Variants in KIFC2 observed in about 807,000 individuals in gnomAD.
KIFC2 encodes the protein kinesin family member C2.
Under a neutral mutation model 91.5 loss-of-function variants are expected in KIFC2, and 94 were observed. The ratio of observed to expected loss-of-function variants is 1.03; its 90% CI spans 0.87 to 1.22. The LOEUF (loss-of-function observed/expected upper bound fraction) is 1.22, where lower values mean the gene tolerates loss of function less well. KIFC2 is among the 50% of genes most tolerant of loss of function. The pLI, the probability that KIFC2 is intolerant of heterozygous loss-of-function variation, is 0.00. For synonymous variants in KIFC2, 729 were observed against 503.9 expected (o/e 1.45, Z -5.98); for missense variants, 1,357 against 1,103.3 (o/e 1.23, Z -3.26).
Position 144,467,702 on chromosome 8 carries a change from A to T in KIFC2, c.616-12A>T. On this transcript the variant is annotated splice_polypyrimidine_tract_variant and intron_variant, in intron 5 of 17. Coordinates refer to ENST00000645548, the MANE Select transcript of KIFC2 (RefSeq NM_001369769.2). ...AAAGGAGGTCCACCCTGTCTCTCTT[A>T]CTTCTCCCCAGCTGGAGGAGCTGAA... is the stretch of plus-strand genomic sequence containing the variant. 1.9e-6 allele frequency: 3 copies of T among 1,613,528 alleles called. No homozygotes were observed. Among genetic ancestry groups the T allele is most frequent in the Non-Finnish European group, 2.5e-6 (3 of 1,179,826 alleles).
chr8:144,470,594 C>A (rs1053229249), intron 12 of KIFC2: 1 of 152,286 alleles, frequency 6.6e-6, no homozygotes, highest in Non-Finnish European at 1.5e-5. Context: ...GAGCTGACAG[C>A]CCACCCTGTT....
At chr8:144,468,933 G>A (rs1042981123) in intron 10 of KIFC2, 99 bp downstream of exon 10, 85 of 982,180 alleles carry the variant, frequency 8.7e-5, no homozygotes, top group Non-Finnish European at 1.3e-4. Flanking sequence ...CTAATAAGTG[G>A]GGCTCTGGAA....
In KIFC2 at chr8:144,469,604, T is replaced by C; in HGVS notation, c.1337T>C (p.Phe446Ser). ...TGCTACCGGGGGCGCCATCGTCGAT[T>C]CCGCCTAGACTGGGTCTTCCCTCCA... The part of the protein sequence containing the change: ...TTCYRGRHRR[F>S]RLDWVFPPDA... Residue 446 changes from phenylalanine to serine, a missense_variant, in exon 12 of 18, where the codon TTC (phenylalanine) becomes TCC (serine). Phe to Ser is a radical substitution (Grantham distance 155). Coordinates refer to ENST00000645548, the MANE Select transcript of KIFC2 (RefSeq NM_001369769.2). 1 of 1,611,624 alleles carries C rather than the reference T, an allele frequency of 6.2e-7. No individual in the cohort carries two copies. The highest frequency in any genetic ancestry group is 8.5e-7 in the Non-Finnish European group (1 of 1,179,108).
At chr8:144,467,175 C>G in intron 3 of KIFC2, 28 bp from the exon 4 acceptor site, 1 of 1,613,274 alleles carries the variant, frequency 6.2e-7, no homozygotes, top group Non-Finnish European at 8.5e-7. Context: ...CTTTCACAGC[C>G]CTGCTCGGAT....
At position 144,473,234 on chromosome 8, in the gene KIFC2, C is replaced by A; in HGVS notation, c.2221C>A (p.Pro741Thr). 6.3e-7 allele frequency: 1 copy of A among 1,599,900 alleles called. No homozygotes were observed. ...GGGGCCAGCCCGGCGCCGCAGGGTCCCGCGCTCCTCCGGGACGCCTTCTTC... is the reference window on the plus strand; with the variant it reads ...GGGGCCAGCCCGGCGCCGCAGGGTCACGCGCTCCTCCGGGACGCCTTCTTC... ...ELGPARRRRV[P>T]RSSGTPSSLS... The change falls in exon 18 of 18, where the codon CCG becomes ACG. Residue 741 changes from proline to threonine, a missense_variant. By Grantham distance (38) the Pro-to-Thr change is conservative. Transcript: ENST00000645548.
At chr8:144,472,307 C>A in intron 14 of KIFC2, 48 bp downstream of exon 14, 1 of 1,613,478 alleles carries the variant, frequency 6.2e-7, no homozygotes, top group Non-Finnish European at 8.5e-7. Flanking sequence ...TGGCCCAGGG[C>A]CCTTCCGGAT....
intron 7 of KIFC2, 134 bp from the exon 8 acceptor site, chr8:144,468,195 G>A (rs1824765524): frequency 9.8e-7 from 1 of 1,023,058 alleles, no homozygotes; most frequent in East Asian, 2.6e-5. Context: ...ACTGTGGGAA[G>A]GAGGTCTGCG....
Position 144,473,467 on chromosome 8 carries a change from CG to C in KIFC2, c.*79del, listed in dbSNP as rs1179255311. The C allele has an allele frequency of 6.8e-7, 1 of 1,467,046 alleles. No individual in the cohort carries two copies. The highest frequency in any genetic ancestry group is 9.0e-7 in the Non-Finnish European group (1 of 1,111,774). The allele number at this position is 1,467,046 out of a possible 1,614,324, so 90.9% of individuals were successfully genotyped here. A position where few individuals can be genotyped will look rare whatever the true frequency, so the allele number is the denominator to read the frequency against. On this transcript the variant is annotated 3_prime_UTR_variant, in exon 18 of 18. Coordinates refer to ENST00000645548, the MANE Select transcript of KIFC2 (RefSeq NM_001369769.2). ...AGGCGGTAGTAAAGTCCCTGTACCCCGTCTCCCAGGGCACAAGCTCCCTAGC... is the reference window on the plus strand; with the variant it reads ...AGGCGGTAGTAAAGTCCCTGTACCCCTCTCCCAGGGCACAAGCTCCCTAGC...
chr8:144,467,136 G>A, intron 3 of KIFC2, 26 bp downstream of exon 3: 1 of 1,610,582 alleles, frequency 6.2e-7, no homozygotes, highest in Non-Finnish European at 8.5e-7. Flanking sequence ...GGGGCTGCTG[G>A]CAGGTACCAC....
In KIFC2 at chr8:144,467,466, T is replaced by A. The variant is rs1294170789; in HGVS notation, c.470-19T>A. 1 of 1,549,962 alleles carries A rather than the reference T, an allele frequency of 6.5e-7. No homozygotes were observed. Among genetic ancestry groups the A allele is most frequent in the Non-Finnish European group, 8.7e-7 (1 of 1,151,460 alleles). On this transcript the variant is annotated intron_variant, in intron 4 of 17. Transcript: ENST00000645548. ...GACTAGAGACCTCTTCAGTGCTAAC[T>A]GGGCCCACCCTACTCCAGGATCCAC... is the stretch of plus-strand genomic sequence containing the variant.
chr8:144,473,427 G>T lies in KIFC2; in HGVS notation c.*38G>T. The stretch of plus-strand genomic sequence containing the variant: ...GCCCTGCCCATGGGGTCTCAGGCCA[G>T]GTCTCTGCTGGCAGAGGCGGTAGTA... On this transcript the variant is annotated 3_prime_UTR_variant, in exon 18 of 18. Transcript: ENST00000645548. The T allele has an allele frequency of 6.4e-7, 1 of 1,551,414 alleles. No individual in the cohort carries two copies.
chr8:144,469,616 G>C lies in KIFC2; in HGVS notation c.1349G>C (p.Trp450Ser). The stretch of plus-strand genomic sequence containing the variant: ...CGCCATCGTCGATTCCGCCTAGACT[G>C]GGTCTTCCCTCCAGACGCCAGCCAG... ...RGRHRRFRLD[W>S]VFPPDASQEE... is the part of the protein sequence containing the mutation. The change falls in exon 12 of 18, where the codon TGG (tryptophan) becomes TCG (serine). Residue 450 changes from tryptophan to serine, a missense_variant. Physicochemically the swap from Trp to Ser is radical, Grantham distance 177. Transcript: ENST00000645548. 1 of 1,608,798 alleles carries C rather than the reference G, an allele frequency of 6.2e-7. No individual in the cohort carries two copies. Among genetic ancestry groups the C allele is most frequent in the South Asian group, 1.1e-5 (1 of 90,606 alleles).
At chr8:144,469,082 T>A (rs1824818173) in intron 10 of KIFC2, among the ~76,000 whole-genome samples, 189 bp from the exon 11 acceptor site, 1 of 152,206 alleles carries the variant, frequency 6.6e-6, no homozygotes, top group African/African-American at 2.4e-5. Flanking sequence ...TGTTCCTGCC[T>A]GTCATTCCTG....
rs1824704789 is a variant in KIFC2, at chr8:144,467,313, C to T, written c.441C>T (p.Ala147=). The T allele has an allele frequency of 1.9e-6, 3 of 1,611,178 alleles. No individual in the cohort carries two copies. The highest frequency in any genetic ancestry group is 2.5e-6 in the Non-Finnish European group (3 of 1,178,980). ...CCCTGCTCCAGGGGACTCAGCCAGCCCCTCGGGTCCGGCCCCCCTCTCCAG... is the reference window on the plus strand; with the variant it reads ...CCCTGCTCCAGGGGACTCAGCCAGCTCCTCGGGTCCGGCCCCCCTCTCCAG... ...RQALLQGTQP[A]PRVRPPSPDG... is the part of the protein sequence containing the mutation. Residue 147 remains alanine, a synonymous_variant, in exon 4 of 18, where the codon GCC becomes GCT. Transcript: ENST00000645548.
chr8:144,467,199 G>T lies in KIFC2; in HGVS notation c.331-4G>T. 1.2e-6 allele frequency: 2 copies of T among 1,613,538 alleles called. No individual in the cohort carries two copies. Among genetic ancestry groups the T allele is most frequent in the Non-Finnish European group, 1.7e-6 (2 of 1,180,010 alleles). Reference sequence around the variant, plus strand: ...CCCTGCTCGGATTCTTGTCTCCTTCGCAGTCTGGCGAGGTCCCCTCACTGT... The same window carrying T: ...CCCTGCTCGGATTCTTGTCTCCTTCTCAGTCTGGCGAGGTCCCCTCACTGT... On this transcript the variant is annotated splice_polypyrimidine_tract_variant and splice_region_variant and intron_variant, in intron 3 of 17. Coordinates refer to ENST00000645548, the MANE Select transcript of KIFC2 (RefSeq NM_001369769.2).
rs1042918840 is a variant in KIFC2, at chr8:144,472,652, C to T, written c.1807C>T (p.Leu603=). The part of the protein sequence containing the change: ...MNQRSSRSHA[L]VTLTLRAASP... ...CCAGCGCAGCTCCCGCTCGCATGCC[C>T]TGGTCACGCTGACGCTGCGCGCGGC... Residue 603 remains leucine, a synonymous_variant, in exon 16 of 18, where the codon CTG becomes TTG. Coordinates refer to ENST00000645548, the MANE Select transcript of KIFC2 (RefSeq NM_001369769.2). 2.4e-5 allele frequency: 39 copies of T among 1,599,892 alleles called. No homozygotes were observed. Among genetic ancestry groups the T allele is most frequent in the Non-Finnish European group, 3.2e-5 (38 of 1,179,226 alleles).
chr8:144,471,888 G>C (rs1273910723), intron 12 of KIFC2, 54 bp from the exon 13 acceptor site: 1 of 1,521,274 alleles, frequency 6.6e-7, no homozygotes, highest in African/African-American at 1.4e-5. Flanking sequence ...ACCAAATAGG[G>C]CATAAACAGG....
rs780707164 is a variant in KIFC2, at chr8:144,467,927, G to A, written c.750G>A (p.Leu250=). Residue 250 remains leucine, a synonymous_variant, in exon 7 of 18, where the codon CTG becomes CTA. Coordinates refer to ENST00000645548, the MANE Select transcript of KIFC2 (RefSeq NM_001369769.2). ...TLENEALKQS[L]SLMRDLLLHW... is the part of the protein sequence containing the mutation. ...AGAACGAGGCCCTGAAGCAGAGCCT[G>A]AGTCTCATGCGGGACCTCCTGCTGC... 1 of 1,610,550 alleles carries A rather than the reference G, an allele frequency of 6.2e-7. No individual in the cohort carries two copies. The highest frequency in any genetic ancestry group is 8.5e-7 in the Non-Finnish European group (1 of 1,178,914).
chr8:144,467,762 C>T lies in KIFC2; in HGVS notation c.664C>T (p.Arg222Ter). 4 of 1,613,740 alleles carry T rather than the reference C, an allele frequency of 2.5e-6. No homozygotes were observed. Among genetic ancestry groups the T allele is most frequent in the South Asian group, 1.1e-5 (1 of 91,046 alleles). ...QLEQQEEELG[R>*]LRLGVGATDS... ...GGAACAGCAGGAGGAGGAGTTGGGT[C>T]GACTGCGCCTGGGCGTGGTGAGGCT... Residue 222 changes from arginine (R) to a stop codon, truncating the protein, a stop_gained, in exon 6 of 18, where the codon CGA (arginine) becomes TGA (stop). Transcript: ENST00000645548. LOFTEE classifies it high-confidence loss of function.
Sources: gnomAD v4.1 joint callset for allele counts (sites outside exome capture counted in the v4.1 genomes callset) on GRCh38, gnomAD v4.1.1 for gene constraint, MANE v1.5 for transcripts, NCBI Gene and HGNC (gene_info 2026-07-23, HGNC 2026-07-21) for gene names.